The following EXOC6B variants were observed in gnomAD, a reference collection of about 807,000 sequenced individuals.
EXOC6B encodes the protein exocyst complex component 6B.
EXOC6B carries 54 observed loss-of-function variants against 113.5 expected under a neutral mutation model. The ratio of observed to expected loss-of-function variants is 0.48; its 90% confidence interval spans 0.38 to 0.60. The LOEUF (loss-of-function observed/expected upper bound fraction) is 0.60, where lower values mean the gene tolerates loss of function less well. EXOC6B is among the 20% of genes least tolerant of loss of function. The probability of loss-of-function intolerance (pLI) is 0.00; values close to 1 mark genes in which losing one functional copy is unlikely to be tolerated. For synonymous variants in EXOC6B, 357 were observed against 339.0 expected (o/e 1.05, Z -0.58); for missense variants, 797 against 977.5 (o/e 0.82, Z 2.46).
At chr2:72,200,430 T>C (rs1371839119) in intron 20 of EXOC6B, among the ~76,000 whole-genome samples, 5 of 152,220 alleles carry the variant, frequency 3.3e-5, no homozygotes, top group African/African-American at 4.8e-5. Flanking sequence ...CCAAAGCTGG[T>C]CTCAAACTTT....
chr2:72,821,229 G>A (rs1329986564), intron 1 of EXOC6B, among the ~76,000 whole-genome samples: 1 of 152,036 alleles, frequency 6.6e-6, no homozygotes, highest in Non-Finnish European at 1.5e-5. Flanking sequence ...ATAAGCACAT[G>A]AAAAGAACAG....
chr2:72,712,736 C>T (rs1191645091), intron 6 of EXOC6B, among the ~76,000 whole-genome samples: 4 of 152,184 alleles, frequency 2.6e-5, no homozygotes, highest in African/African-American at 9.7e-5. Flanking sequence ...AGATCAAGCC[C>T]ACTCTCTCAA....
intron 1 of EXOC6B, among the ~76,000 whole-genome samples, chr2:72,752,501 CT>C (rs1573739730): frequency 6.6e-6 from 1 of 151,830 alleles, no homozygotes; most frequent in East Asian, 1.9e-4. Flanking sequence ...AATCTCTCTT[CT>C]GATAAATTTC....
chr2:72,388,782 A>G (rs1162474602), intron 18 of EXOC6B, among the ~76,000 whole-genome samples: 1 of 152,072 alleles, frequency 6.6e-6, no homozygotes, highest in African/African-American at 2.4e-5. Context: ...TGATTAATTG[A>G]CCCTTATATC....
At chr2:72,217,550 C>T (rs2104412224) in intron 20 of EXOC6B, among the ~76,000 whole-genome samples, 1 of 152,294 alleles carries the variant, frequency 6.6e-6, no homozygotes, top group African/African-American at 2.4e-5. Context: ...AAAAACTCCC[C>T]CATTGGGGAG....
chr2:72,724,875 G>A (rs995348892), intron 5 of EXOC6B, among the ~76,000 whole-genome samples: 1 of 152,024 alleles, frequency 6.6e-6, no homozygotes, highest in Non-Finnish European at 1.5e-5. Flanking sequence ...CTCAAATAAA[G>A]CACAGAGAGG....
rs376551316 is a variant in EXOC6B, at chr2:72,299,056, C to T, written c.2196+35891G>A. Among the ~76,000 whole-genome samples the T allele has an allele frequency of 5.4e-3, 819 of 152,204 alleles. 8 individuals are homozygous for T. Among genetic ancestry groups the T allele is most frequent in the African/African-American group, 0.019 (785 of 41,524 alleles). ...GCCTTGCTAGGTTGGGGAAGTCCTC[C>T]TGGATAATATCCTGAAGAGTGTTTT... On this transcript the variant is annotated intron_variant, in intron 20 of 21. Transcript: ENST00000272427.
intron 11 of EXOC6B, among the ~76,000 whole-genome samples, chr2:72,509,249 G>A (rs138133238): frequency 6.6e-6 from 1 of 152,204 alleles, no homozygotes; most frequent in African/African-American, 2.4e-5. Flanking sequence ...CTGACCATGT[G>A]GACACCTTAA....
At chr2:72,483,892 A>G (rs1344087654) in intron 16 of EXOC6B, among the ~76,000 whole-genome samples, 1 of 152,226 alleles carries the variant, frequency 6.6e-6, no homozygotes, top group Admixed American at 6.5e-5. Flanking sequence ...GCAGTAATCC[A>G]AACTGTCCTA....
chr2:72,666,060 G>A (rs1360156503), intron 6 of EXOC6B, among the ~76,000 whole-genome samples: 2 of 152,126 alleles, frequency 1.3e-5, no homozygotes, highest in African/African-American at 2.4e-5. Context: ...AGATAAACCA[G>A]ATGTAAACCA....
intron 1 of EXOC6B, among the ~76,000 whole-genome samples, chr2:72,761,336 A>G (rs1682731905): frequency 6.6e-6 from 1 of 152,224 alleles, no homozygotes; most frequent in South Asian, 2.1e-4. Context: ...TAAACTCAAC[A>G]AAGTGATGAT....
intron 6 of EXOC6B, among the ~76,000 whole-genome samples, chr2:72,592,013 G>C (rs1435279212): frequency 6.6e-6 from 1 of 151,686 alleles, no homozygotes; most frequent in Admixed American, 6.6e-5. Context: ...TTTTAAAAAA[G>C]ATATTTATAT....
At chr2:72,777,872 C>G (rs1030062288) in intron 1 of EXOC6B, among the ~76,000 whole-genome samples, 1 of 151,840 alleles carries the variant, frequency 6.6e-6, no homozygotes, top group Non-Finnish European at 1.5e-5. Context: ...GGTATCAAAC[C>G]AGATATTCAT....
At chr2:72,397,617 C>CAAA (rs1229846045) in intron 18 of EXOC6B, among the ~76,000 whole-genome samples, 6 of 93,414 alleles carry the variant, frequency 6.4e-5, no homozygotes, top group African/African-American at 2.7e-4. Context: ...AACCTCATCT[C>CAAA]AAAAAAAAAA....
At chr2:72,789,698 G>A (rs1042161328) in intron 1 of EXOC6B, among the ~76,000 whole-genome samples, 4 of 152,008 alleles carry the variant, frequency 2.6e-5, no homozygotes, top group Non-Finnish European at 4.4e-5. Flanking sequence ...TAATTTTCTT[G>A]CAGCTATATA....
chr2:72,241,623 CA>C (rs1478349659), intron 20 of EXOC6B, among the ~76,000 whole-genome samples: 2 of 151,932 alleles, frequency 1.3e-5, no homozygotes, highest in African/African-American at 4.8e-5. Context: ...GGGGGAGCGT[CA>C]GGGGAGAATC....
At chr2:72,643,392 A>G (rs1673420482) in intron 6 of EXOC6B, among the ~76,000 whole-genome samples, 1 of 148,882 alleles carries the variant, frequency 6.7e-6, no homozygotes, top group Non-Finnish European at 1.5e-5. Context: ...GACTGGATTA[A>G]GAAAATGTGG....
intron 6 of EXOC6B, among the ~76,000 whole-genome samples, chr2:72,633,864 A>T (rs1290954808): frequency 2.0e-5 from 3 of 152,210 alleles, no homozygotes; most frequent in Non-Finnish European, 2.9e-5. Context: ...TTTGCATAAG[A>T]TATTGCAATA....
chr2:72,717,887 T>C (rs1284559365), intron 6 of EXOC6B, among the ~76,000 whole-genome samples: 1 of 152,200 alleles, frequency 6.6e-6, no homozygotes, highest in African/African-American at 2.4e-5. Flanking sequence ...TCACAACTGA[T>C]CAATATTTAC....
Sources: gnomAD v4.1 joint callset for allele counts (sites outside exome capture counted in the v4.1 genomes callset) on GRCh38, gnomAD v4.1.1 for gene constraint, MANE v1.5 for transcripts, NCBI Gene and HGNC (gene_info 2026-07-23, HGNC 2026-07-21) for gene names.